NUDT3: variants seen among roughly 807,000 people sequenced by gnomAD.
NUDT3 encodes diphosphoinositol polyphosphate phosphohydrolase 1.
In NUDT3, 9 loss-of-function variants were observed where a neutral mutation model predicts 23.6. The ratio of observed to expected loss-of-function variants is 0.38; its 90% CI spans 0.23 to 0.66. NUDT3 has a LOEUF of 0.66. Among genes scored for constraint, NUDT3 ranks in the 30% least tolerant of loss-of-function variants. The pLI, the probability that NUDT3 is intolerant of heterozygous loss-of-function variation, is 0.52. For synonymous variants in NUDT3, 86 were observed against 82.6 expected, an observed-to-expected ratio of 1.04 and a Z score of -0.22; for missense variants, 172 against 218.5, an observed-to-expected ratio of 0.79 and a Z score of 1.34.
At chr6:34,372,015 T>C (rs1461994330) in intron 1 of NUDT3, among the ~76,000 whole-genome samples, 2 of 152,174 alleles carry the variant, frequency 1.3e-5, no homozygotes, top group Non-Finnish European at 2.9e-5. Context: ...GTCCTTGCGA[T>C]CGTTTGCTCA....
At chr6:34,346,366 C>T (rs1329291539) in intron 1 of NUDT3, among the ~76,000 whole-genome samples, 1 of 152,142 alleles carries the variant, frequency 6.6e-6, no homozygotes, top group Non-Finnish European at 1.5e-5. Flanking sequence ...CCTTACTTCC[C>T]GGTAAAGTGT....
At chr6:34,301,597 C>G (rs1370484954) in intron 2 of NUDT3, among the ~76,000 whole-genome samples, 1 of 152,246 alleles carries the variant, frequency 6.6e-6, no homozygotes, top group Non-Finnish European at 1.5e-5. Flanking sequence ...CAGCTAACCT[C>G]CAAACTGTGT....
intron 2 of NUDT3, among the ~76,000 whole-genome samples, chr6:34,312,384 A>G (rs1405286871): frequency 2.6e-5 from 4 of 151,800 alleles, no homozygotes; most frequent in Admixed American, 6.6e-5. Context: ...CCTGGGCAAC[A>G]AAGTGAGACT....
intron 1 of NUDT3, among the ~76,000 whole-genome samples, chr6:34,391,868 C>T (rs1358069936): frequency 1.3e-5 from 2 of 152,128 alleles, no homozygotes; most frequent in East Asian, 1.9e-4. Flanking sequence ...TGCACGCCGG[C>T]CTCCGCACAC....
chr6:34,291,206 G>A (rs906438973), intron 4 of NUDT3, among the ~76,000 whole-genome samples: 2 of 151,938 alleles, frequency 1.3e-5, no homozygotes, highest in Admixed American at 6.6e-5. Context: ...TGATTCACCC[G>A]CCTTGGCCTC....
At chr6:34,298,464 C>A (rs1259696672) in intron 2 of NUDT3, among the ~76,000 whole-genome samples, 1 of 147,690 alleles carries the variant, frequency 6.8e-6, no homozygotes, top group Non-Finnish European at 1.5e-5. Flanking sequence ...GTGTCAGATG[C>A]AGTTAAGAAA....
At chr6:34,388,864 T>G (rs952285980) in intron 1 of NUDT3, among the ~76,000 whole-genome samples, 4 of 152,234 alleles carry the variant, frequency 2.6e-5, no homozygotes, top group African/African-American at 7.2e-5. Context: ...ACCCACTGAA[T>G]CTGTAATTTA....
chr6:34,328,738 A>C (rs1368221337), intron 2 of NUDT3, among the ~76,000 whole-genome samples: 1 of 152,180 alleles, frequency 6.6e-6, no homozygotes, highest in African/African-American at 2.4e-5. Context: ...TGAGCCGGAG[A>C]CCCCTGACCA....
intron 1 of NUDT3, among the ~76,000 whole-genome samples, chr6:34,360,820 T>C (rs982487882): frequency 6.6e-6 from 1 of 152,046 alleles, no homozygotes; most frequent in African/African-American, 2.4e-5. Context: ...ACAAGACTTA[T>C]CTGATAAAGG....
At chr6:34,327,026 G>T (rs55805389) in intron 2 of NUDT3, among the ~76,000 whole-genome samples, 14,365 of 151,690 alleles carry the variant, frequency 0.095, 792 homozygotes, top group Non-Finnish European at 0.12. Flanking sequence ...CCACCAAGAC[G>T]CGGAGACCGG....
At position 34,286,384 on chromosome 6, in the gene NUDT3, C is replaced by CAA. The variant is rs1424266943; in HGVS notation, c.*2368_*2369insTT. 1 of 152,146 alleles carries CAA rather than the reference C, an allele frequency of 6.6e-6. No homozygotes were observed. The highest frequency in any genetic ancestry group is 2.4e-5 in the African/African-American group (1 of 41,402). The allele number at this position is 152,146 out of a possible 1,614,324, so 9.4% of individuals were successfully genotyped here. A position where few individuals can be genotyped will look rare whatever the true frequency, so the allele number is the denominator to read the frequency against. On this transcript the variant is annotated 3_prime_UTR_variant, in exon 5 of 5. Coordinates refer to ENST00000607016, the MANE Select transcript of NUDT3 (RefSeq NM_006703.4). ...GTGTGAGCCACTACACCCAGCCCTG[C>CAA]AGTCCCTTTTTAAAGAGTACTGACT...
intron 2 of NUDT3, among the ~76,000 whole-genome samples, chr6:34,320,692 C>T (rs931765873): frequency 6.6e-6 from 1 of 152,000 alleles, no homozygotes; most frequent in Non-Finnish European, 1.5e-5. Flanking sequence ...GAAAATTAGC[C>T]AGGCGTGGTG....
chr6:34,340,024 G>T (rs962972916), intron 2 of NUDT3, among the ~76,000 whole-genome samples: 1 of 152,128 alleles, frequency 6.6e-6, no homozygotes, highest in Non-Finnish European at 1.5e-5. Context: ...CTGAAACACC[G>T]ACATAAAGAG....
intron 1 of NUDT3, among the ~76,000 whole-genome samples, chr6:34,372,284 G>A (rs1458414146): frequency 6.6e-6 from 1 of 152,132 alleles, no homozygotes; most frequent in Admixed American, 6.5e-5. Flanking sequence ...GGGTCAAATG[G>A]TATTTCTAGT....
rs1157870172 is a variant in NUDT3, at chr6:34,392,331, G to A, written c.32C>T (p.Thr11Ile). The change falls in exon 1 of 5, where the codon ACC (threonine) becomes ATC (isoleucine). Residue 11 changes from threonine (T) to isoleucine (I), a missense_variant. This residue lies in a region of NUDT3 where 50 missense variants were observed against 46.2 expected (regional missense o/e 1.08). Transcript: ENST00000607016. ...CTTCTTGTAGCCGTCGCCGTCGTAG[G>A]TGCGGGTCTGGTTCGACTTGAGCTT... MMKLKSNQTRTYDGDGYKKRA... is the reference protein window; with the variant it reads MMKLKSNQTRIYDGDGYKKRA... 1.2e-6 allele frequency: 2 copies of A among 1,606,350 alleles called. No homozygotes were observed. The highest frequency in any genetic ancestry group is 2.2e-5 in the South Asian group (2 of 90,528).
chr6:34,326,340 G>A (rs919054025), intron 2 of NUDT3, among the ~76,000 whole-genome samples: 38 of 151,752 alleles, frequency 2.5e-4, no homozygotes, highest in Admixed American at 5.9e-4. Flanking sequence ...ATTTGCTTTC[G>A]GAGACAAAAA....
chr6:34,361,961 AAG>A (rs1362993266), intron 1 of NUDT3, among the ~76,000 whole-genome samples: 1 of 152,206 alleles, frequency 6.6e-6, no homozygotes, highest in Non-Finnish European at 1.5e-5. Flanking sequence ...GTACACCAGC[AAG>A]AGAGAACTCT....
chr6:34,345,324 G>A (rs141267669), intron 1 of NUDT3, among the ~76,000 whole-genome samples: 2 of 152,078 alleles, frequency 1.3e-5, no homozygotes, highest in Non-Finnish European at 2.9e-5. Context: ...TGATGGGATT[G>A]TAGGTGTGCG....
intron 1 of NUDT3, among the ~76,000 whole-genome samples, chr6:34,355,643 C>T (rs1191126562): frequency 7.9e-6 from 1 of 127,012 alleles, no homozygotes; most frequent in Admixed American, 1.1e-4. Flanking sequence ...TCTTAAATAT[C>T]TTTAGAATTC....
Sources: allele counts gnomAD v4.1 joint callset (sites outside exome capture counted in the v4.1 genomes callset), GRCh38; gene constraint gnomAD v4.1.1; regional missense constraint gnomAD v4.1.1; transcripts MANE v1.5; gene names NCBI Gene and HGNC (gene_info 2026-07-23, HGNC 2026-07-21).